Variants in PDE11A observed in about 807,000 individuals in gnomAD.
PDE11A encodes dual 3',5'-cyclic-AMP and -GMP phosphodiesterase 11A.
A neutral mutation model predicts 100.5 loss-of-function variants in PDE11A; 100 were observed. The ratio of observed to expected loss-of-function variants is 1.00; its 90% CI spans 0.85 to 1.18. The LOEUF is 1.18. Among genes scored for constraint, PDE11A ranks in the 50% most tolerant of loss-of-function variants. The pLI is 0.00. For synonymous variants in PDE11A, 381 were observed against 420.8 expected (o/e 0.91, Z 1.16); for missense variants, 1,141 against 1,152.6 (o/e 0.99, Z 0.15).
chr2:177,997,267 C>T lies in PDE11A; in HGVS notation c.1071+17035G>A, dbSNP rs987094307. The T allele has an allele frequency of 6.7e-6, 8 of 1,195,274 alleles. No homozygotes were observed. The African/African-American group carries it at 1.2e-4, about 18-fold the overall frequency. The allele number at this position is 1,195,274 out of a possible 1,614,324, so 74.0% of individuals were successfully genotyped here. On this transcript the variant is annotated intron_variant, in intron 2 of 19. Coordinates refer to ENST00000286063, the MANE Select transcript of PDE11A (RefSeq NM_016953.4). ...GCCCCCTCTACTTTCCCTGAAGGCT[C>T]CTCTCATAATTAAAGTTGCCCAAAT...
chr2:177,994,643 C>T (rs1195643278), intron 2 of PDE11A, among the ~76,000 whole-genome samples: 1 of 152,178 alleles, frequency 6.6e-6, no homozygotes, highest in Non-Finnish European at 1.5e-5. Context: ...AACAAAAACC[C>T]TTACTTGACC....
intron 2 of PDE11A, among the ~76,000 whole-genome samples, chr2:177,911,214 G>A (rs1022197841): frequency 1.3e-5 from 2 of 152,140 alleles, no homozygotes; most frequent in African/African-American, 4.8e-5. Flanking sequence ...TCTTCAAGTA[G>A]AGTAATTTAG....
intron 2 of PDE11A, among the ~76,000 whole-genome samples, chr2:178,010,420 G>C (rs575033312): frequency 6.6e-6 from 1 of 152,292 alleles, no homozygotes; most frequent in South Asian, 2.1e-4. Context: ...AGTGAATGAA[G>C]TTGGCAGAGC....
At chr2:177,829,880 G>A (rs183703962) in intron 6 of PDE11A, among the ~76,000 whole-genome samples, 8 of 152,118 alleles carry the variant, frequency 5.3e-5, no homozygotes, top group East Asian at 3.9e-4. Context: ...ATGTTAGCAC[G>A]GTCACTTCCC....
intron 12 of PDE11A, among the ~76,000 whole-genome samples, chr2:177,723,630 A>T (rs2081561329): frequency 6.6e-6 from 1 of 152,204 alleles, no homozygotes; most frequent in South Asian, 2.1e-4. Flanking sequence ...GACACTGAGC[A>T]ACATGGTTCC....
In PDE11A at chr2:177,863,640, G is replaced by C. The variant is rs115423961; in HGVS notation, c.1367+12219C>G. On this transcript the variant is annotated intron_variant, in intron 5 of 19. Transcript: ENST00000286063. Reference sequence around the variant, plus strand: ...GAAATGCAAATTAAATCCATTGTGAGATACACCTCATACCCATTAGGGTGG... The same window carrying C: ...GAAATGCAAATTAAATCCATTGTGACATACACCTCATACCCATTAGGGTGG... Among the ~76,000 whole-genome samples, 1,102 of 152,144 alleles carry C rather than the reference G, an allele frequency of 7.2e-3. 14 individuals are homozygous for C. Among genetic ancestry groups the C allele is most frequent in the African/African-American group, 0.025 (1,026 of 41,556 alleles).
intron 1 of PDE11A, among the ~76,000 whole-genome samples, chr2:178,057,633 G>A (rs1559057314): frequency 6.6e-6 from 1 of 152,086 alleles, no homozygotes; most frequent in Admixed American, 6.6e-5. Flanking sequence ...CATCACCACT[G>A]GAGTCACAGT....
At position 177,697,358 on chromosome 2, in the gene PDE11A, C is replaced by T; in HGVS notation, c.2319G>A (p.Leu773=). The part of the protein sequence containing the change: ...DLMQLLKQSI[L]ATDLTLYFER... The stretch of plus-strand genomic sequence containing the variant: ...CAAAGTACAGCGTGAGGTCTGTTGC[C>T]AATATTGACTGCTTCAAAAGCTGCA... Residue 773 remains leucine, a synonymous_variant, in exon 15 of 20, where the codon TTG becomes TTA. Coordinates refer to ENST00000286063, the MANE Select transcript of PDE11A (RefSeq NM_016953.4). The T allele has an allele frequency of 6.3e-7, 1 of 1,590,066 alleles. No individual in the cohort carries two copies. Among genetic ancestry groups the T allele is most frequent in the Non-Finnish European group, 8.6e-7 (1 of 1,158,292 alleles).
At chr2:177,637,332 G>C (rs148622401) in intron 19 of PDE11A, among the ~76,000 whole-genome samples, 1 of 151,962 alleles carries the variant, frequency 6.6e-6, no homozygotes, top group Admixed American at 6.6e-5. Context: ...CTAATCCTTC[G>C]CCACTCAGCT....
At chr2:177,840,442 GA>G (rs1423002758) in intron 5 of PDE11A, 59 bp from the exon 6 acceptor site, 2 of 1,491,896 alleles carry the variant, frequency 1.3e-6, no homozygotes, top group Non-Finnish European at 1.9e-6. Flanking sequence ...TTCTTGAAAG[GA>G]AACCCTATAA....
At chr2:177,644,087 T>TG (rs1347036773) in intron 19 of PDE11A, among the ~76,000 whole-genome samples, 1 of 152,116 alleles carries the variant, frequency 6.6e-6, no homozygotes, top group African/African-American at 2.4e-5. Context: ...GGAGGGAATG[T>TG]GGGGGGGAGC....
At chr2:178,022,765 T>C (rs1386100226) in intron 1 of PDE11A, among the ~76,000 whole-genome samples, 1 of 152,142 alleles carries the variant, frequency 6.6e-6, no homozygotes, top group Non-Finnish European at 1.5e-5. Context: ...TTTACTCATC[T>C]CCCTTGGGAC....
At chr2:177,728,831 A>T (rs1266571925) in intron 10 of PDE11A, among the ~76,000 whole-genome samples, 1 of 152,142 alleles carries the variant, frequency 6.6e-6, no homozygotes, top group Non-Finnish European at 1.5e-5. Context: ...ACATAATTAC[A>T]ATACTGGTCA....
intron 19 of PDE11A, among the ~76,000 whole-genome samples, chr2:177,639,949 T>G (rs1350413532): frequency 6.6e-6 from 1 of 152,246 alleles, no homozygotes; most frequent in African/African-American, 2.4e-5. Flanking sequence ...CATTAATATA[T>G]TTTTTAAAAC....
intron 2 of PDE11A, among the ~76,000 whole-genome samples, chr2:178,006,632 GT>G (rs911165515): frequency 6.6e-6 from 1 of 151,918 alleles, no homozygotes; most frequent in Non-Finnish European, 1.5e-5. Flanking sequence ...GGTTGTTGTT[GT>G]TTTTTTAAGT....
chr2:178,051,321 A>C (rs367838593), intron 1 of PDE11A, among the ~76,000 whole-genome samples: 3 of 152,302 alleles, frequency 2.0e-5, no homozygotes, highest in South Asian at 2.1e-4. Flanking sequence ...GATTTTGTCA[A>C]CACCAGGCCT....
At chr2:177,637,979 G>GTATATATATATATATA (rs1191837108) in intron 19 of PDE11A, among the ~76,000 whole-genome samples, 2 of 50,966 alleles carry the variant, frequency 3.9e-5, no homozygotes, top group African/African-American at 1.2e-4. Flanking sequence ...ATATACACGT[G>GTATATATATATATATA]TATATATATA....
At chr2:178,015,058 A>C (rs2086318613) in intron 1 of PDE11A, among the ~76,000 whole-genome samples, 1 of 152,228 alleles carries the variant, frequency 6.6e-6, no homozygotes, top group Admixed American at 6.5e-5. Flanking sequence ...AGGGTCATTA[A>C]GTATGCTAAT....
chr2:177,673,162 C>T (rs3770011), intron 17 of PDE11A, among the ~76,000 whole-genome samples: 96,093 of 152,014 alleles, frequency 0.63, 32,987 homozygotes, highest in Admixed American at 0.75. Flanking sequence ...ATGGAAAGGA[C>T]TTGAATCAAA....
Sources: gnomAD v4.1 joint callset for allele counts (sites outside exome capture counted in the v4.1 genomes callset) on GRCh38, gnomAD v4.1.1 for gene constraint, MANE v1.5 for transcripts, NCBI Gene and HGNC (gene_info 2026-07-23, HGNC 2026-07-21) for gene names.